The following CRTC1 variants were observed in gnomAD, a reference collection of about 807,000 sequenced individuals.
The protein encoded by CRTC1 is CREB-regulated transcription coactivator 1.
In CRTC1, 18 loss-of-function variants were observed where a neutral mutation model predicts 66.1. That is an observed-to-expected ratio of 0.27 (90% CI 0.19 to 0.40). The LOEUF is 0.40. Among genes scored for constraint, CRTC1 ranks in the 10% least tolerant of loss-of-function variants. CRTC1 has a pLI of 1.00. For synonymous variants in CRTC1, 416 were observed against 398.8 expected (o/e 1.04, Z -0.51); for missense variants, 669 against 887.9 (o/e 0.75, Z 3.13).
intron 8 of CRTC1, among the ~76,000 whole-genome samples, chr19:18,761,650 A>G (rs967744601): frequency 1.1e-4 from 17 of 152,148 alleles, no homozygotes; most frequent in African/African-American, 4.1e-4. Context: ...CAGCACCCCA[A>G]TTGGGGGCTC....
intron 12 of CRTC1, 94 bp downstream of exon 12, chr19:18,775,080 C>CA: frequency 7.8e-7 from 1 of 1,277,994 alleles, no homozygotes; most frequent in East Asian, 2.4e-5. Flanking sequence ...GTCAGAGCTG[C>CA]ACGTGCTCGG....
At chr19:18,719,863 A>G (rs1254948810) in intron 1 of CRTC1, among the ~76,000 whole-genome samples, 2 of 152,098 alleles carry the variant, frequency 1.3e-5, no homozygotes, top group East Asian at 1.9e-4. Context: ...CAGGCCTGAC[A>G]TTTTCAAGAT....
chr19:18,703,764 A>C (rs912655519), intron 1 of CRTC1, among the ~76,000 whole-genome samples: 1 of 151,654 alleles, frequency 6.6e-6, no homozygotes, highest in East Asian at 1.9e-4. Context: ...TGCCTGGCTA[A>C]TTTTTGCATT....
rs546430746 is a variant in CRTC1, at chr19:18,767,799, A to T, written c.1012-686A>T. Among the ~76,000 whole-genome samples, 7 of 152,316 alleles carry T rather than the reference A, an allele frequency of 4.6e-5. No individual in the cohort carries two copies. In the East Asian group the frequency reaches 1.4e-3, roughly 29 times the overall value. ...CTTCACAAATGACCCACTGGTCCTC[A>T]GAGGCCGGGCATCCTGCTAAGTGGT... On this transcript the variant is annotated intron_variant, in intron 9 of 13. Coordinates refer to ENST00000321949, the MANE Select transcript of CRTC1 (RefSeq NM_015321.3).
chr19:18,744,776 A>G (rs1368750893), intron 2 of CRTC1, among the ~76,000 whole-genome samples: 1 of 152,196 alleles, frequency 6.6e-6, no homozygotes, highest in East Asian at 1.9e-4. Context: ...AGCCACGGAA[A>G]GACCCAAACC....
At chr19:18,738,044 G>C (rs951553514) in intron 1 of CRTC1, among the ~76,000 whole-genome samples, 1 of 152,154 alleles carries the variant, frequency 6.6e-6, no homozygotes, top group Non-Finnish European at 1.5e-5. Flanking sequence ...CTGGAGTGGG[G>C]CACGGTGGCT....
intron 4 of CRTC1, 41 bp downstream of exon 4, chr19:18,747,155 G>C: frequency 6.8e-7 from 1 of 1,472,094 alleles, no homozygotes; most frequent in Non-Finnish European, 9.3e-7. Context: ...CTTCTTGTTG[G>C]AAACAAAACC....
intron 1 of CRTC1, among the ~76,000 whole-genome samples, chr19:18,697,396 G>A (rs2053017521): frequency 6.6e-6 from 1 of 152,000 alleles, no homozygotes; most frequent in Admixed American, 6.6e-5. Flanking sequence ...AGCAACCTCT[G>A]CCTCTCGTGT....
intron 1 of CRTC1, among the ~76,000 whole-genome samples, chr19:18,718,997 G>A (rs1219337897): frequency 2.0e-5 from 3 of 152,192 alleles, no homozygotes; most frequent in Admixed American, 2.0e-4. Context: ...CTTGCAGAGG[G>A]AGCAGGGAGG....
intron 1 of CRTC1, among the ~76,000 whole-genome samples, chr19:18,724,650 C>G (rs773501923): frequency 1.3e-5 from 2 of 150,342 alleles, no homozygotes; most frequent in Admixed American, 6.7e-5. Flanking sequence ...CTGCATCGCC[C>G]CAATCCCGGC....
rs2054774659 is a variant in CRTC1, at chr19:18,768,041, G to A, written c.1012-444G>A. Among the ~76,000 whole-genome samples, 1 of 152,102 alleles carries A rather than the reference G, an allele frequency of 6.6e-6. No homozygotes were observed. The highest frequency in any genetic ancestry group is 2.4e-5 in the African/African-American group (1 of 41,432). ...CATGCTGGTATCTCCAGCAACCCCA[G>A]CCTCTCCAGCATCCCCAGAGTGGGC... On this transcript the variant is annotated intron_variant, in intron 9 of 13. Transcript: ENST00000321949. This position sits in a 1 kb window ranked among gnomAD's most constrained non-coding sequence, Gnocchi z 5.6.
Position 18,747,064 on chromosome 19 carries a change from C to T in CRTC1, c.393C>T (p.Cys131=). 1 of 1,613,328 alleles carries T rather than the reference C, an allele frequency of 6.2e-7. No individual in the cohort carries two copies. Among genetic ancestry groups the T allele is most frequent in the Non-Finnish European group, 8.5e-7 (1 of 1,179,788 alleles). The change falls in exon 4 of 14, where the codon TGC becomes TGT. Residue 131 remains cysteine, a synonymous_variant. Coordinates refer to ENST00000321949, the MANE Select transcript of CRTC1 (RefSeq NM_015321.3). The part of the protein sequence containing the change: ...VDKHGRQADS[C]PYGTMYLSPP... ...TTAACTCACCTCACGCCGACAGCTG[C>T]CCCTATGGCACCATGTACCTCTCAC... is the stretch of plus-strand genomic sequence containing the variant.
At chr19:18,751,917 C>T (rs1374444352) in intron 5 of CRTC1, among the ~76,000 whole-genome samples, 1 of 151,984 alleles carries the variant, frequency 6.6e-6, no homozygotes, top group South Asian at 2.1e-4. Flanking sequence ...CCCAACACTT[C>T]GGGAGAGAGG....
At chr19:18,717,223 G>A (rs781031402) in intron 1 of CRTC1, among the ~76,000 whole-genome samples, 2 of 152,064 alleles carry the variant, frequency 1.3e-5, no homozygotes, top group Non-Finnish European at 2.9e-5. Context: ...CCAGGGTGGG[G>A]CTGAGAGGGG....
rs1014416236 is a variant in CRTC1 at position 18,780,353 on chromosome 19, G to A, written c.*2971G>A. On this transcript the variant is annotated 3_prime_UTR_variant, in exon 14 of 14. Transcript: ENST00000321949. Reference sequence around the variant, plus strand: ...GTCCCCACCTTCCTGTTTCGCCGACGTCACTACCCAGGGTGGCAAGTCTTG... The same window carrying A: ...GTCCCCACCTTCCTGTTTCGCCGACATCACTACCCAGGGTGGCAAGTCTTG... The A allele has an allele frequency of 3.9e-5, 9 of 232,078 alleles. No individual in the cohort carries two copies. The highest frequency in any genetic ancestry group is 1.7e-5 in the Non-Finnish European group (2 of 117,404). 14.4% of individuals were successfully genotyped at this position (232,078 alleles called of 1,614,324 possible). A position where few individuals can be genotyped will look rare whatever the true frequency, so the allele number is the denominator to read the frequency against.
At chr19:18,748,900 A>G (rs1232364277) in intron 4 of CRTC1, among the ~76,000 whole-genome samples, 1 of 152,136 alleles carries the variant, frequency 6.6e-6, no homozygotes, top group African/African-American at 2.4e-5. Flanking sequence ...ATATAAAATG[A>G]ATGGAGCTTT....
rs932467477 is a variant in CRTC1 at position 18,760,729 on chromosome 19, G to T, written c.886+501G>T. On this transcript the variant is annotated intron_variant, in intron 8 of 13. Transcript: ENST00000321949. This position sits in a 1 kb window ranked among gnomAD's most constrained non-coding sequence, Gnocchi z 6.2. ...CACAGGGACGTCGCACAGGCCCCTC[G>T]CCCGTCCCAATAGCTCCTGGCGCTG... is the stretch of plus-strand genomic sequence containing the variant. Among the ~76,000 whole-genome samples, 1 of 151,380 alleles carries T rather than the reference G, an allele frequency of 6.6e-6. No homozygotes were observed. The highest frequency in any genetic ancestry group is 6.6e-5 in the Admixed American group (1 of 15,216).
At chr19:18,711,433 G>T (rs1430447304) in intron 1 of CRTC1, among the ~76,000 whole-genome samples, 1 of 152,172 alleles carries the variant, frequency 6.6e-6, no homozygotes, top group Non-Finnish European at 1.5e-5. Flanking sequence ...TCCGGGCCCT[G>T]AGTTGTCGGC....
intron 3 of CRTC1, 55 bp from the exon 4 acceptor site, chr19:18,746,998 G>C: frequency 6.5e-7 from 1 of 1,544,886 alleles, no homozygotes; most frequent in Non-Finnish European, 8.9e-7. Context: ...GGCTGAGAGT[G>C]TGTTGTTGGA....
Sources: gnomAD v4.1 joint callset for allele counts (sites outside exome capture counted in the v4.1 genomes callset) on GRCh38, gnomAD v4.1.1 for gene constraint, Gnocchi (gnomAD v3.1) non-coding constraint, MANE v1.5 for transcripts, NCBI Gene and HGNC (gene_info 2026-07-23, HGNC 2026-07-21) for gene names.